Variants in DEF6 observed in about 807,000 individuals in gnomAD.
The protein encoded by DEF6 is DEF6 guanine nucleotide exchange factor.
DEF6 carries 32 observed loss-of-function variants against 80.5 expected under a neutral mutation model. The ratio of observed to expected loss-of-function variants is 0.40; its 90% confidence interval spans 0.30 to 0.53. DEF6 has a LOEUF of 0.53. DEF6 is among the 20% of genes least tolerant of loss of function. The pLI, the probability that DEF6 is intolerant of heterozygous loss-of-function variation, is 0.57. For missense variants in DEF6, 575 were observed against 818.7 expected, an observed-to-expected ratio of 0.70 and a Z score of 3.63; for synonymous variants, 300 against 337.9, an observed-to-expected ratio of 0.89 and a Z score of 1.23.
chr6:35,317,106 C>T (rs996696302), intron 5 of DEF6, among the ~76,000 whole-genome samples: 5 of 125,718 alleles, frequency 4.0e-5, no homozygotes, highest in African/African-American at 1.5e-4. Context: ...TCAGTTTCTC[C>T]ATTTCCTTAC....
At chr6:35,316,168 CT>C (rs34442746) in intron 5 of DEF6, 122,246 of 148,040 alleles carry the variant, frequency 0.83, 50,600 homozygotes, top group Non-Finnish European at 0.87. Flanking sequence ...TGTGCCCGGC[CT>C]TTTTTTTTTT....
At position 35,318,640 on chromosome 6, in the gene DEF6, A is replaced by T. The variant is rs1412353358; in HGVS notation, c.1215+169A>T. ...TGTTGGGACAGAGTCCGCGGGTTTG[A>T]AAAAGAGATTTGGGATGGGGCTTCC... On this transcript the variant is annotated intron_variant, in intron 7 of 10. Coordinates refer to ENST00000316637, the MANE Select transcript of DEF6 (RefSeq NM_022047.4). The surrounding 1 kb of genome is among the most constrained non-coding windows in gnomAD (Gnocchi z 5.1). 2.0e-5 allele frequency among the ~76,000 whole-genome samples: 3 copies of T among 152,022 alleles called. No individual in the cohort carries two copies. Among genetic ancestry groups the T allele is most frequent in the African/African-American group, 7.2e-5 (3 of 41,388 alleles).
chr6:35,307,677 C>T (rs1791410744), intron 1 of DEF6, among the ~76,000 whole-genome samples: 1 of 152,064 alleles, frequency 6.6e-6, no homozygotes, highest in South Asian at 2.1e-4. Context: ...GATTTATTGG[C>T]TCACATAACC....
chr6:35,310,873 T>C (rs932991364), intron 3 of DEF6, among the ~76,000 whole-genome samples: 1 of 152,178 alleles, frequency 6.6e-6, no homozygotes, highest in Non-Finnish European at 1.5e-5. Context: ...TTCATGAGGG[T>C]TCTGCTGGTC....
intron 5 of DEF6, chr6:35,316,048 T>C (rs1791521835): frequency 5.9e-6 from 1 of 169,014 alleles, no homozygotes; most frequent in South Asian, 1.0e-4. Flanking sequence ...TTTGTATTTT[T>C]AGTAGAGACA....
At position 35,319,587 on chromosome 6, in the gene DEF6, C is replaced by A; in HGVS notation, c.1279C>A (p.Arg427Ser). ...GGAGGAGGCTGCCCGGCAGCGGCAGCGCATCAAGGAGCTGGAGGAGATGCA... is the reference window on the plus strand; with the variant it reads ...GGAGGAGGCTGCCCGGCAGCGGCAGAGCATCAAGGAGCTGGAGGAGATGCA... ...KEEEAARQRQ[R>S]IKELEEMQQR... The change falls in exon 8 of 11, where the codon CGC becomes AGC. Residue 427 changes from arginine (R) to serine (S), a missense_variant. Arg to Ser is a moderately radical substitution (Grantham distance 110, BLOSUM62 -1). Transcript: ENST00000316637. The surrounding 1 kb of genome is among the most constrained non-coding windows in gnomAD (Gnocchi z 4.5). 1 of 1,613,814 alleles carries A rather than the reference C, an allele frequency of 6.2e-7. No individual in the cohort carries two copies. The highest frequency in any genetic ancestry group is 8.5e-7 in the Non-Finnish European group (1 of 1,179,890).
chr6:35,306,639 C>A (rs1366921262), intron 1 of DEF6, among the ~76,000 whole-genome samples: 1 of 152,228 alleles, frequency 6.6e-6, no homozygotes, highest in African/African-American at 2.4e-5. Flanking sequence ...ATTTCTGACA[C>A]TTGATTGTTT....
chr6:35,306,755 T>A (rs562350503), intron 1 of DEF6, among the ~76,000 whole-genome samples: 22 of 152,362 alleles, frequency 1.4e-4, no homozygotes, highest in African/African-American at 5.0e-4. Context: ...CAGTGTAGTA[T>A]GCATATCTTT....
In DEF6 at chr6:35,321,192, C is replaced by T. The variant is rs980780931; in HGVS notation, c.1678C>T (p.Arg560Cys). Residue 560 changes from arginine to cysteine, a missense_variant, in exon 11 of 11, where the codon CGT (arginine) becomes TGT (cysteine). By Grantham distance (180) the Arg-to-Cys change is radical. Transcript: ENST00000316637. ...LMHPIEPGDK[R>C]PVTSSSFSGF... ...GCCTGCCTTCTCTCTGCCAGATAAG[C>T]GTCCGGTCACCAGCAGCTCCTTCTC... is the stretch of plus-strand genomic sequence containing the variant. 3.1e-6 allele frequency: 5 copies of T among 1,611,990 alleles called. No individual in the cohort carries two copies. Among genetic ancestry groups the T allele is most frequent in the East Asian group, 2.2e-5 (1 of 44,890 alleles).
rs777769919 is a variant in DEF6 at position 35,309,792 on chromosome 6, C to T, written c.219C>T (p.Asn73=). The T allele has an allele frequency of 2.5e-6, 4 of 1,613,950 alleles. No individual in the cohort carries two copies. In the African/African-American group the frequency reaches 5.3e-5, roughly 22 times the overall value. ...VSSQGYMPYL[N]KYILDKVEEG... ...GCCAGGGATACATGCCCTACCTCAA[C>T]AAGTACATCCTGGACAAGGTGGGGC... Residue 73 remains asparagine (N), a synonymous_variant, in exon 2 of 11, where the codon AAC becomes AAT. Transcript: ENST00000316637.
Position 35,312,263 on chromosome 6 carries a change from A to G in DEF6, c.424-39A>G, listed in dbSNP as rs1582231628. On this transcript the variant is annotated intron_variant, in intron 3 of 10. Coordinates refer to ENST00000316637, the MANE Select transcript of DEF6 (RefSeq NM_022047.4). This position sits in a 1 kb window ranked among gnomAD's most constrained non-coding sequence, Gnocchi z 6.6. ...CCCTGGTGTTGGTGCTGGCAACACC[A>G]CCTGCTGCAGCTACCAGGCCTTCCT... 6.3e-7 allele frequency: 1 copy of G among 1,581,706 alleles called. No homozygotes were observed. The highest frequency in any genetic ancestry group is 8.7e-7 in the Non-Finnish European group (1 of 1,154,036).
intron 5 of DEF6, chr6:35,313,264 A>G: frequency 2.4e-6 from 1 of 414,900 alleles, no homozygotes; most frequent in South Asian, 1.8e-5. Context: ...TGTGTGTAAC[A>G]TGAAACTTCC....
chr6:35,318,515 G>T lies in DEF6; in HGVS notation c.1215+44G>T. ...GCCGGGGACGGGACCGGTGGGCTGG[G>T]AGGCTGGCCAGGGGCGGAGCGCCGG... On this transcript the variant is annotated intron_variant, in intron 7 of 10. Transcript: ENST00000316637. The surrounding 1 kb of genome is among the most constrained non-coding windows in gnomAD (Gnocchi z 5.1). The T allele has an allele frequency of 1.5e-6, 2 of 1,359,778 alleles. No homozygotes were observed. The highest frequency in any genetic ancestry group is 1.9e-6 in the Non-Finnish European group (2 of 1,064,194). 84.2% of individuals were successfully genotyped at this position (1,359,778 alleles called of 1,614,324 possible).
chr6:35,318,132 G>A lies in DEF6; in HGVS notation c.917-41G>A, dbSNP rs1791544166. The A allele has an allele frequency of 6.5e-7, 1 of 1,533,330 alleles. No individual in the cohort carries two copies. The highest frequency in any genetic ancestry group is 8.8e-7 in the Non-Finnish European group (1 of 1,141,692). The allele number at this position is 1,533,330 out of a possible 1,614,324, so 95.0% of individuals were successfully genotyped here. On this transcript the variant is annotated intron_variant, in intron 6 of 10. Coordinates refer to ENST00000316637, the MANE Select transcript of DEF6 (RefSeq NM_022047.4). This position sits in a 1 kb window ranked among gnomAD's most constrained non-coding sequence, Gnocchi z 5.1. ...AAACTCCTAAGGCCCCTTTCGGGCC[G>A]TGTGCGAGGATCCTACTGACCCGCT...
At chr6:35,307,847 A>G (rs1020122691) in intron 1 of DEF6, among the ~76,000 whole-genome samples, 3 of 152,210 alleles carry the variant, frequency 2.0e-5, no homozygotes, top group Admixed American at 6.5e-5. Flanking sequence ...CTGAAAAGAG[A>G]ATAAAATGAA....
chr6:35,303,278 G>C (rs1173666957), intron 1 of DEF6, among the ~76,000 whole-genome samples: 1 of 152,212 alleles, frequency 6.6e-6, no homozygotes, highest in Non-Finnish European at 1.5e-5. Context: ...ACAGAACTAA[G>C]CTCAAATAAC....
chr6:35,304,132 CA>C (rs571899654), intron 1 of DEF6, among the ~76,000 whole-genome samples: 2 of 151,446 alleles, frequency 1.3e-5, no homozygotes, highest in Non-Finnish European at 2.9e-5. Context: ...AACTACATTG[CA>C]AAAAAAAGAA....
At chr6:35,321,105 C>T in intron 10 of DEF6, 82 bp from the exon 11 acceptor site, 1 of 1,565,464 alleles carries the variant, frequency 6.4e-7, no homozygotes, top group Non-Finnish European at 8.7e-7. Flanking sequence ...AGGCTCCCCT[C>T]TCCTCTGAGG....
rs369157582 is a variant in DEF6 at position 35,318,163 on chromosome 6, T to A, written c.917-10T>A. On this transcript the variant is annotated splice_polypyrimidine_tract_variant and intron_variant, in intron 6 of 10. Coordinates refer to ENST00000316637, the MANE Select transcript of DEF6 (RefSeq NM_022047.4). This position sits in a 1 kb window ranked among gnomAD's most constrained non-coding sequence, Gnocchi z 5.1. ...GAGGATCCTACTGACCCGCTCCCGC[T>A]CTTCGGCAGCCATCCAGATGGCGAT... 6.5e-7 allele frequency: 1 copy of A among 1,546,394 alleles called. No individual in the cohort carries two copies. The highest frequency in any genetic ancestry group is 1.4e-5 in the African/African-American group (1 of 72,252).
Sources: gnomAD v4.1 joint callset for allele counts (sites outside exome capture counted in the v4.1 genomes callset) on GRCh38, gnomAD v4.1.1 for gene constraint, Gnocchi (gnomAD v3.1) non-coding constraint, MANE v1.5 for transcripts, NCBI Gene and HGNC (gene_info 2026-07-23, HGNC 2026-07-21) for gene names.